TBC1D5: variants seen among roughly 807,000 people sequenced by gnomAD.
The protein encoded by TBC1D5 is TBC1 domain family, member 5.
Under a neutral mutation model 100.3 loss-of-function variants are expected in TBC1D5, and 75 were observed. The observed-to-expected ratio is 0.75, with a 90% confidence interval of 0.62 to 0.91. The LOEUF (loss-of-function observed/expected upper bound fraction) is 0.91. Ranked by LOEUF, TBC1D5 falls within the 40% of genes least tolerant of loss-of-function variation. TBC1D5 has a pLI of 0.00. For missense variants in TBC1D5, 910 were observed against 942.4 expected, an observed-to-expected ratio of 0.97 and a Z score of 0.45; for synonymous variants, 323 against 325.6, an observed-to-expected ratio of 0.99 and a Z score of 0.09.
chr3:17,598,758 A>G (rs1052734995), intron 2 of TBC1D5, among the ~76,000 whole-genome samples: 3 of 152,240 alleles, frequency 2.0e-5, no homozygotes, highest in African/African-American at 7.2e-5. Context: ...AAAACAGGTA[A>G]GTTAGCTCTT....
chr3:17,325,090 C>T (rs1292841761), intron 13 of TBC1D5, among the ~76,000 whole-genome samples: 1 of 151,930 alleles, frequency 6.6e-6, no homozygotes, highest in East Asian at 1.9e-4. Context: ...TCAAACAACC[C>T]AGTGATCTGT....
intron 16 of TBC1D5, among the ~76,000 whole-genome samples, chr3:17,256,566 A>G (rs773182513): frequency 1.3e-5 from 2 of 151,828 alleles, no homozygotes; most frequent in Non-Finnish European, 1.5e-5. Context: ...GGAGAAAATA[A>G]TGGGTACAAT....
chr3:17,430,732 T>A (rs1466077345), intron 3 of TBC1D5, among the ~76,000 whole-genome samples: 1 of 151,946 alleles, frequency 6.6e-6, no homozygotes, highest in African/African-American at 2.4e-5. Flanking sequence ...TTATAAACTC[T>A]TAATTTTAGT....
At chr3:17,683,963 A>G (rs940436802) in intron 1 of TBC1D5, among the ~76,000 whole-genome samples, 2 of 152,178 alleles carry the variant, frequency 1.3e-5, no homozygotes, top group Non-Finnish European at 2.9e-5. Context: ...GTGTCTGTGC[A>G]CATATCTGTG....
intron 3 of TBC1D5, among the ~76,000 whole-genome samples, chr3:17,433,334 G>T (rs1314736026): frequency 6.6e-6 from 1 of 152,158 alleles, no homozygotes; most frequent in Non-Finnish European, 1.5e-5. Flanking sequence ...AATTTAAAAA[G>T]GAAAGAAGTT....
rs1327448026 is a variant in TBC1D5, at chr3:17,699,469, A to G, written c.-101+39874T>C. Among the ~76,000 whole-genome samples the G allele has an allele frequency of 2.1e-5, 3 of 142,316 alleles. No individual in the cohort carries two copies. In the Admixed American group the frequency reaches 2.1e-4, roughly 10 times the overall value. 93.4% of individuals were successfully genotyped at this position (142,316 alleles called of 152,430 possible). On this transcript the variant is annotated intron_variant, in intron 1 of 21. Coordinates refer to ENST00000253692, the Ensembl canonical transcript of TBC1D5. Reference sequence around the variant, plus strand: ...GATGACGAGTTAGTGGGTGCAGCGCACCAGCATGGCACATGTATACATATG... The same window carrying G: ...GATGACGAGTTAGTGGGTGCAGCGCGCCAGCATGGCACATGTATACATATG...
intron 1 of TBC1D5, among the ~76,000 whole-genome samples, chr3:17,701,148 C>A (rs1251427148): frequency 6.6e-6 from 1 of 152,034 alleles, no homozygotes; most frequent in African/African-American, 2.4e-5. Context: ...TACTATGCAG[C>A]CATAAAAAGG....
At chr3:17,209,287 C>T (rs983707716) in intron 18 of TBC1D5, among the ~76,000 whole-genome samples, 1 of 152,194 alleles carries the variant, frequency 6.6e-6, no homozygotes, top group African/African-American at 2.4e-5. Context: ...GCTGGGACTA[C>T]AGTTGCATGC....
In TBC1D5 at chr3:17,676,997, T is replaced by C. The variant is rs979747576; in HGVS notation, c.-100-53084A>G. 1.1e-4 allele frequency among the ~76,000 whole-genome samples: 16 copies of C among 152,048 alleles called. No individual in the cohort carries two copies. In the South Asian group the frequency reaches 1.5e-3, roughly 14 times the overall value. The stretch of plus-strand genomic sequence containing the variant: ...CCTTCCTTACACCTTATACAAAAAT[T>C]AATTCAAGATGGATTAAAGACTTAA... On this transcript the variant is annotated intron_variant, in intron 1 of 21. Coordinates refer to ENST00000253692, the Ensembl canonical transcript of TBC1D5.
At chr3:17,346,336 C>A (rs886416782) in intron 13 of TBC1D5, among the ~76,000 whole-genome samples, 47 of 152,054 alleles carry the variant, frequency 3.1e-4, no homozygotes, top group Non-Finnish European at 7.4e-5. Flanking sequence ...CTTTAATTAG[C>A]ATGGTTTTGA....
intron 9 of TBC1D5, among the ~76,000 whole-genome samples, chr3:17,381,214 C>T (rs2092931086): frequency 6.6e-6 from 1 of 151,922 alleles, no homozygotes. Flanking sequence ...ATGCAGTGGG[C>T]CACATACATC....
chr3:17,705,996 G>A, intron 1 of TBC1D5: 2 of 1,082,980 alleles, frequency 1.8e-6, no homozygotes, highest in Non-Finnish European at 2.5e-6. Flanking sequence ...TTTTTTTTTT[G>A]AGACGGAGTC....
chr3:17,308,108 C>T (rs1254660421), exon 14 of TBC1D5: 11 of 1,595,520 alleles, frequency 6.9e-6, no homozygotes, highest in East Asian at 2.3e-5. Flanking sequence ...GGGGAACTCT[C>T]GTCCAAATAG....
chr3:17,415,488 G>C (rs1044318567), intron 4 of TBC1D5, among the ~76,000 whole-genome samples: 2 of 151,882 alleles, frequency 1.3e-5, no homozygotes, highest in Non-Finnish European at 2.9e-5. Context: ...AAAAACACAG[G>C]CATTATTTTC....
At chr3:17,492,158 T>G (rs1484674944) in intron 3 of TBC1D5, among the ~76,000 whole-genome samples, 1 of 152,104 alleles carries the variant, frequency 6.6e-6, no homozygotes. Context: ...TTATCATTTT[T>G]TATTGTCTCT....
chr3:17,160,755 C>A, exon 22 of TBC1D5: 1 of 619,098 alleles, frequency 1.6e-6, no homozygotes, highest in Non-Finnish European at 2.7e-6. Flanking sequence ...CCCAGAAAGC[C>A]CTGTCTGCAT....
intron 2 of TBC1D5, among the ~76,000 whole-genome samples, chr3:17,550,014 G>A (rs1039723967): frequency 6.6e-6 from 1 of 151,640 alleles, no homozygotes; most frequent in African/African-American, 2.4e-5. Context: ...AAAGTGGATT[G>A]TCATGTGAAA....
At chr3:17,232,195 C>A (rs2075483189) in intron 17 of TBC1D5, among the ~76,000 whole-genome samples, 1 of 152,094 alleles carries the variant, frequency 6.6e-6, no homozygotes, top group Non-Finnish European at 1.5e-5. Flanking sequence ...AGGAAAAAAA[C>A]TGGATTTATT....
chr3:17,366,257 G>A (rs1394576553), intron 13 of TBC1D5, among the ~76,000 whole-genome samples: 10 of 151,350 alleles, frequency 6.6e-5, no homozygotes, highest in African/African-American at 1.5e-4. Flanking sequence ...ACACCGCTGC[G>A]CTCCAGCCTG....
Sources: gnomAD v4.1 joint callset for allele counts (sites outside exome capture counted in the v4.1 genomes callset) on GRCh38, gnomAD v4.1.1 for gene constraint, MANE v1.5 for transcripts, NCBI Gene and HGNC (gene_info 2026-07-23, HGNC 2026-07-21) for gene names.